ZNF385D: variants seen among roughly 807,000 people sequenced by gnomAD.
ZNF385D encodes zinc finger protein 659.
ZNF385D carries 15 observed loss-of-function variants against 35.8 expected under a neutral mutation model. That is an observed-to-expected ratio of 0.42 (90% CI 0.28 to 0.64). The LOEUF (loss-of-function observed/expected upper bound fraction) is 0.64, where lower values mean the gene tolerates loss of function less well. Among genes scored for constraint, ZNF385D ranks in the 30% least tolerant of loss-of-function variants. The probability of loss-of-function intolerance (pLI) is 0.23; values close to 1 mark genes in which losing one functional copy is unlikely to be tolerated. For missense variants in ZNF385D, 474 were observed against 494.6 expected (o/e 0.96, Z 0.39); for synonymous variants, 212 against 186.8 (o/e 1.13, Z -1.10).
intron 3 of ZNF385D, among the ~76,000 whole-genome samples, chr3:22,003,124 G>C (rs144717907): frequency 1.3e-5 from 2 of 152,112 alleles, no homozygotes; most frequent in African/African-American, 2.4e-5. Context: ...TGGAAAAGAA[G>C]TCAAATTGTC....
intron 3 of ZNF385D, among the ~76,000 whole-genome samples, chr3:21,964,107 C>G (rs1316485687): frequency 6.6e-6 from 1 of 151,894 alleles, no homozygotes; most frequent in East Asian, 1.9e-4. Context: ...CCTTCTAATT[C>G]AATCTAATAC....
At chr3:21,731,793 G>A (rs1046438185) in intron 1 of ZNF385D, among the ~76,000 whole-genome samples, 1 of 152,128 alleles carries the variant, frequency 6.6e-6, no homozygotes. Flanking sequence ...AATGTAGTTG[G>A]AATAGTACAG....
chr3:21,883,611 T>C (rs777191942), intron 3 of ZNF385D, among the ~76,000 whole-genome samples: 2 of 151,994 alleles, frequency 1.3e-5, no homozygotes, highest in Non-Finnish European at 1.5e-5. Context: ...TGGAATGACA[T>C]AGGTTTAAAG....
chr3:21,568,180 T>C (rs1384972432), intron 2 of ZNF385D, among the ~76,000 whole-genome samples: 1 of 82,022 alleles, frequency 1.2e-5, no homozygotes, highest in Non-Finnish European at 2.4e-5. Flanking sequence ...ATATCTTTAT[T>C]AATAACAATA....
intron 3 of ZNF385D, among the ~76,000 whole-genome samples, chr3:21,928,003 C>G (rs1360095624): frequency 6.6e-6 from 1 of 152,034 alleles, no homozygotes; most frequent in Non-Finnish European, 1.5e-5. Flanking sequence ...GCAGGAAGTT[C>G]ACTTGAGCAC....
intron 3 of ZNF385D, among the ~76,000 whole-genome samples, chr3:22,117,209 C>A (rs145640329): frequency 1.3e-5 from 2 of 152,024 alleles, no homozygotes; most frequent in East Asian, 3.9e-4. Context: ...TAAATTATTA[C>A]AAGTAGAAGT....
chr3:22,167,756 T>C (rs903281554), intron 3 of ZNF385D, among the ~76,000 whole-genome samples: 1 of 152,222 alleles, frequency 6.6e-6, no homozygotes, highest in African/African-American at 2.4e-5. Context: ...GCCTATAGAA[T>C]TTAATAGTTC....
intron 3 of ZNF385D, among the ~76,000 whole-genome samples, chr3:21,979,373 T>C (rs538519744): frequency 4.0e-4 from 61 of 152,324 alleles, no homozygotes; most frequent in Middle Eastern, 3.4e-3. Context: ...GGTAACCTCA[T>C]TGTAGACATA....
At chr3:21,928,290 G>A (rs187193030) in intron 3 of ZNF385D, among the ~76,000 whole-genome samples, 18 of 139,146 alleles carry the variant, frequency 1.3e-4, no homozygotes, top group Admixed American at 2.2e-4. Flanking sequence ...AGGAAGGAAG[G>A]AAGGAGGGAG....
At chr3:21,732,739 T>C (rs887044952) in intron 1 of ZNF385D, among the ~76,000 whole-genome samples, 1 of 152,238 alleles carries the variant, frequency 6.6e-6, no homozygotes, top group African/African-American at 2.4e-5. Flanking sequence ...AATCAGGTTG[T>C]TTGTTTTCTT....
At position 21,583,555 on chromosome 3, in the gene ZNF385D, G is replaced by A. The variant is rs183147636; in HGVS notation, c.166-18871C>T. On this transcript the variant is annotated intron_variant, in intron 2 of 7. Transcript: ENST00000281523. ...GATTTACTATTAGGACTTTTTTTCTGCTGATTAACATCACAGCTCTAAATA... is the reference window on the plus strand; with the variant it reads ...GATTTACTATTAGGACTTTTTTTCTACTGATTAACATCACAGCTCTAAATA... Among the ~76,000 whole-genome samples, 761 of 151,864 alleles carry A rather than the reference G, an allele frequency of 5.0e-3. 2 individuals are homozygous for A. The highest frequency in any genetic ancestry group is 9.1e-3 in the Non-Finnish European group (621 of 67,944).
chr3:21,750,242 T>C (rs1163993046), intron 1 of ZNF385D, among the ~76,000 whole-genome samples: 2 of 152,244 alleles, frequency 1.3e-5, no homozygotes, highest in Admixed American at 6.5e-5. Context: ...TTTCTGGAAA[T>C]GCAGGCAGCT....
chr3:21,835,373 A>C (rs1301472756), intron 3 of ZNF385D, among the ~76,000 whole-genome samples: 2 of 152,036 alleles, frequency 1.3e-5, no homozygotes, highest in Non-Finnish European at 2.9e-5. Flanking sequence ...GCTTAGGATG[A>C]GTTTTCCCTC....
At chr3:21,894,271 A>G (rs2125886795) in intron 3 of ZNF385D, among the ~76,000 whole-genome samples, 1 of 152,302 alleles carries the variant, frequency 6.6e-6, no homozygotes, top group Middle Eastern at 3.4e-3. Context: ...CACTGTCACA[A>G]ATACTATCTT....
At chr3:21,927,564 T>TA (rs1239670318) in intron 3 of ZNF385D, among the ~76,000 whole-genome samples, 15 of 152,216 alleles carry the variant, frequency 9.9e-5, no homozygotes, top group Non-Finnish European at 1.5e-5. Flanking sequence ...GCTGAATTTT[T>TA]AAAGTTGAAC....
intron 3 of ZNF385D, among the ~76,000 whole-genome samples, chr3:21,826,178 C>T (rs1027875127): frequency 2.6e-5 from 4 of 152,092 alleles, no homozygotes; most frequent in African/African-American, 9.7e-5. Flanking sequence ...CAGGAGCAAA[C>T]GAAGCTGGGA....
At chr3:21,987,877 C>G (rs1276264731) in intron 3 of ZNF385D, among the ~76,000 whole-genome samples, 1 of 140,322 alleles carries the variant, frequency 7.1e-6, no homozygotes, top group East Asian at 2.1e-4. Flanking sequence ...TCTTTTTATT[C>G]TTTTTTCTCT....
chr3:22,016,456 T>C (rs1424215148), intron 3 of ZNF385D, among the ~76,000 whole-genome samples: 2 of 152,094 alleles, frequency 1.3e-5, no homozygotes, highest in African/African-American at 4.8e-5. Context: ...CTATTTCTAT[T>C]TATCCTTTCC....
intron 1 of ZNF385D, among the ~76,000 whole-genome samples, chr3:21,687,371 T>C (rs1045081358): frequency 5.9e-5 from 9 of 152,132 alleles, no homozygotes; most frequent in African/African-American, 1.4e-4. Flanking sequence ...CAATAGACAA[T>C]AAAACGAATA....
Sources: allele counts gnomAD v4.1 joint callset (sites outside exome capture counted in the v4.1 genomes callset), GRCh38; gene constraint gnomAD v4.1.1; transcripts MANE v1.5; gene names NCBI Gene and HGNC (gene_info 2026-07-23, HGNC 2026-07-21).